The following RFTN1 variants were observed in gnomAD, a reference collection of about 807,000 sequenced individuals.
RFTN1 encodes the protein raftlin, lipid raft linker 1.
A neutral mutation model predicts 46.5 loss-of-function variants in RFTN1; 26 were observed. The observed-to-expected ratio is 0.56, with a 90% CI of 0.41 to 0.78. RFTN1 has a LOEUF of 0.78. Among genes scored for constraint, RFTN1 ranks in the 30% least tolerant of loss-of-function variants. The pLI is 0.00. For missense variants in RFTN1, 693 were observed against 718.7 expected, an observed-to-expected ratio of 0.96 and a Z score of 0.41; for synonymous variants, 261 against 284.2, an observed-to-expected ratio of 0.92 and a Z score of 0.82.
chr3:16,366,655 G>A (rs1687992835), intron 6 of RFTN1, among the ~76,000 whole-genome samples: 1 of 152,174 alleles, frequency 6.6e-6, no homozygotes, highest in African/African-American at 2.4e-5. Context: ...GCTCTTACTA[G>A]CCAGTAACCT....
chr3:16,435,917 A>AATATATAT (rs10575645), intron 2 of RFTN1, among the ~76,000 whole-genome samples: 186 of 142,360 alleles, frequency 1.3e-3, no homozygotes, highest in African/African-American at 4.5e-3. Flanking sequence ...CAGAGATGTA[A>AATATATAT]ATATATATAT....
intron 7 of RFTN1, among the ~76,000 whole-genome samples, chr3:16,331,759 CTCT>C (rs757966488): frequency 3.3e-5 from 5 of 152,262 alleles, no homozygotes; most frequent in Admixed American, 3.3e-4. Flanking sequence ...CTGGTATGTT[CTCT>C]TTTTTTGGTT....
intron 4 of RFTN1, among the ~76,000 whole-genome samples, chr3:16,388,864 A>G (rs2074277755): frequency 6.6e-6 from 1 of 152,174 alleles, no homozygotes; most frequent in Non-Finnish European, 1.5e-5. Context: ...CTAGTTTTAT[A>G]CTTTGGTAAT....
chr3:16,318,748 A>G (rs2068712398), intron 9 of RFTN1, among the ~76,000 whole-genome samples: 1 of 152,218 alleles, frequency 6.6e-6, no homozygotes, highest in Non-Finnish European at 1.5e-5. Context: ...GTATCCCCCA[A>G]AAAACCCAAA....
chr3:16,420,564 G>A (rs2075165023), intron 3 of RFTN1, among the ~76,000 whole-genome samples: 1 of 152,232 alleles, frequency 6.6e-6, no homozygotes, highest in African/African-American at 2.4e-5. Flanking sequence ...AAACTTTGCT[G>A]ATTGTTTTCT....
rs2076096369 is a variant in RFTN1 at position 16,466,569 on chromosome 3, T to C, written c.145+27156A>G. 6.6e-6 allele frequency among the ~76,000 whole-genome samples: 1 copy of C among 152,208 alleles called. No homozygotes were observed. Among genetic ancestry groups the C allele is most frequent in the Admixed American group, 6.5e-5 (1 of 15,286 alleles). ...CATTACACCCCTTTCCTTCTGGGCC[T>C]GAACTCAGGCTCCTTCCTAATTTAA... On this transcript the variant is annotated intron_variant, in intron 2 of 9. Transcript: ENST00000334133. This position sits in a 1 kb window ranked among gnomAD's most constrained non-coding sequence, Gnocchi z 5.6.
intron 2 of RFTN1, among the ~76,000 whole-genome samples, chr3:16,455,052 A>T (rs2075882350): frequency 6.6e-6 from 1 of 152,188 alleles, no homozygotes; most frequent in Non-Finnish European, 1.5e-5. Context: ...AAACAGGCTG[A>T]TAAATGAGGG....
At chr3:16,510,595 T>C (rs2125017591) in intron 1 of RFTN1, among the ~76,000 whole-genome samples, 1 of 152,276 alleles carries the variant, frequency 6.6e-6, no homozygotes, top group South Asian at 2.1e-4. Context: ...AGAACACTAG[T>C]CAAACCATGC....
At chr3:16,388,401 A>C (rs997182384) in intron 4 of RFTN1, among the ~76,000 whole-genome samples, 18 of 152,220 alleles carry the variant, frequency 1.2e-4, no homozygotes, top group African/African-American at 4.1e-4. Context: ...GCAGTATCTG[A>C]GGTTACCCCC....
rs1278014549 is a variant in RFTN1 at position 16,387,871 on chromosome 3, G to T, written c.442-9769C>A. Among the ~76,000 whole-genome samples, 1 of 151,886 alleles carries T rather than the reference G, an allele frequency of 6.6e-6. No individual in the cohort carries two copies. Among genetic ancestry groups the T allele is most frequent in the Non-Finnish European group, 1.5e-5 (1 of 67,972 alleles). ...CACCCCATCCTCTCTGGTAGCTCAT[G>T]CATTCCCCTCCTCCTGGAGATGCTC... On this transcript the variant is annotated intron_variant, in intron 4 of 9. Transcript: ENST00000334133. This position sits in a 1 kb window ranked among gnomAD's most constrained non-coding sequence, Gnocchi z 5.2.
At chr3:16,406,022 A>G (rs12486817) in intron 4 of RFTN1, among the ~76,000 whole-genome samples, 4 of 152,282 alleles carry the variant, frequency 2.6e-5, no homozygotes, top group Admixed American at 2.6e-4. Context: ...TTCATTAAAT[A>G]TTTGCAGTGA....
chr3:16,321,476 C>T lies in RFTN1; in HGVS notation c.1332+1900G>A, dbSNP rs189343843. On this transcript the variant is annotated intron_variant, in intron 9 of 9. Transcript: ENST00000334133. The surrounding 1 kb of genome is among the most constrained non-coding windows in gnomAD (Gnocchi z 4.8). ...GATGAGGACTAGATGGAGTGACTCTCGGTCACCAGGGGACACAGGCCTGTG... is the reference window on the plus strand; with the variant it reads ...GATGAGGACTAGATGGAGTGACTCTTGGTCACCAGGGGACACAGGCCTGTG... Among the ~76,000 whole-genome samples, 45 of 152,270 alleles carry T rather than the reference C, an allele frequency of 3.0e-4. No individual in the cohort carries two copies. Among genetic ancestry groups the T allele is most frequent in the Non-Finnish European group, 5.0e-4 (34 of 68,012 alleles).
rs769804017 is a variant in RFTN1, at chr3:16,483,031, GGTTT to G, written c.145+10690_145+10693del. ...CAGGGCTTCTGACATTTTGCTCCAA[GGTTT>G]GTTTGTTTTTACTTAGAAAAAATGC... On this transcript the variant is annotated intron_variant, in intron 2 of 9. Transcript: ENST00000334133. The surrounding 1 kb of genome is among the most constrained non-coding windows in gnomAD (Gnocchi z 4.8). Among the ~76,000 whole-genome samples the G allele has an allele frequency of 5.9e-5, 9 of 152,118 alleles. No individual in the cohort carries two copies. The highest frequency in any genetic ancestry group is 1.0e-4 in the Non-Finnish European group (7 of 68,024).
chr3:16,503,947 A>T (rs563025169), intron 1 of RFTN1, among the ~76,000 whole-genome samples: 10 of 152,342 alleles, frequency 6.6e-5, no homozygotes, highest in African/African-American at 2.2e-4. Context: ...TTTTTGGATA[A>T]ATAGACATCT....
chr3:16,357,443 T>G (rs1237361799), intron 7 of RFTN1, among the ~76,000 whole-genome samples: 1 of 152,206 alleles, frequency 6.6e-6, no homozygotes, highest in African/African-American at 2.4e-5. Context: ...GGACCTAACC[T>G]CTCTGTGCCT....
chr3:16,444,939 A>C (rs2124888949), intron 2 of RFTN1, among the ~76,000 whole-genome samples: 1 of 152,328 alleles, frequency 6.6e-6, no homozygotes, highest in African/African-American at 2.4e-5. Flanking sequence ...TTCCATGTTT[A>C]GTATTAGAAA....
Position 16,320,737 on chromosome 3 carries a change from ACTGGAGGCCACAGAGGAG to A in RFTN1, c.1332+2621_1332+2638del, listed in dbSNP as rs568481299. ...TCCTTGGCAGAGGGGACACGGAAGA[ACTGGAGGCCACAGAGGAG>A]CTGGAGGCCACAGAGAATGGGAGGC... On this transcript the variant is annotated intron_variant, in intron 9 of 9. Coordinates refer to ENST00000334133, the MANE Select transcript of RFTN1 (RefSeq NM_015150.2). This position sits in a 1 kb window ranked among gnomAD's most constrained non-coding sequence, Gnocchi z 4.5. 5.2e-4 allele frequency among the ~76,000 whole-genome samples: 79 copies of A among 152,334 alleles called. No homozygotes were observed. Among genetic ancestry groups the A allele is most frequent in the Non-Finnish European group, 7.2e-4 (49 of 68,018 alleles).
Position 16,376,971 on chromosome 3 carries a change from C to T in RFTN1, c.826+747G>A, listed in dbSNP as rs1369454339. Among the ~76,000 whole-genome samples the T allele has an allele frequency of 2.6e-5, 4 of 152,058 alleles. No individual in the cohort carries two copies. The highest frequency in any genetic ancestry group is 9.7e-5 in the African/African-American group (4 of 41,392). On this transcript the variant is annotated intron_variant, in intron 5 of 9. Transcript: ENST00000334133. This position sits in a 1 kb window ranked among gnomAD's most constrained non-coding sequence, Gnocchi z 4.7. ...GAAAGCCCTCCTAAGCCCTGGGGGT[C>T]TTCTGTTAGTTTTCATACTTGTTCT...
intron 2 of RFTN1, among the ~76,000 whole-genome samples, chr3:16,438,004 G>A (rs747199940): frequency 4.0e-5 from 6 of 151,886 alleles, no homozygotes; most frequent in Non-Finnish European, 5.9e-5. Context: ...GCAACTGCAC[G>A]TTGTCAATCA....
Sources: gnomAD v4.1 joint callset for allele counts (sites outside exome capture counted in the v4.1 genomes callset) on GRCh38, gnomAD v4.1.1 for gene constraint, Gnocchi (gnomAD v3.1) non-coding constraint, MANE v1.5 for transcripts, NCBI Gene and HGNC (gene_info 2026-07-23, HGNC 2026-07-21) for gene names.